UST: variants seen among roughly 807,000 people sequenced by gnomAD.
UST encodes the protein uronyl 2-sulfotransferase.
Under a neutral mutation model 45.6 loss-of-function variants are expected in UST, and 21 were observed. That is an observed-to-expected ratio of 0.46 (90% CI 0.33 to 0.66). The LOEUF is 0.66. Among genes scored for constraint, UST ranks in the 30% least tolerant of loss-of-function variants. UST has a pLI of 0.02. For synonymous variants in UST, 215 were observed against 200.6 expected (o/e 1.07, Z -0.61); for missense variants, 463 against 512.4 (o/e 0.90, Z 0.93).
intron 7 of UST, among the ~76,000 whole-genome samples, chr6:149,046,917 T>G (rs1162354753): frequency 1.3e-5 from 2 of 152,240 alleles, no homozygotes; most frequent in African/African-American, 4.8e-5. Flanking sequence ...GCTTTTCTGG[T>G]GGCAGTAGAA....
rs1031359354 is a variant in UST, at chr6:149,072,734, T to C, written c.938-1099T>C. On this transcript the variant is annotated intron_variant, in intron 7 of 7. Transcript: ENST00000367463. The stretch of plus-strand genomic sequence containing the variant: ...TGAAAACATGCTTAGTGAAATAAGC[T>C]AGACAAAAAAAGGACAAATATTGTA... Among the ~76,000 whole-genome samples, 5 of 151,486 alleles carry C rather than the reference T, an allele frequency of 3.3e-5. No homozygotes were observed. The East Asian group carries it at 9.7e-4, about 29-fold the overall frequency.
rs561547305 is a variant in UST, at chr6:148,801,153, AG to A, written c.247+53478del. On this transcript the variant is annotated intron_variant, in intron 1 of 7. Transcript: ENST00000367463. ...AGAACATTTGGGTTTTGAGAACATG[AG>A]GATCTAGTTTTGCTGTGTATTGTGT... Among the ~76,000 whole-genome samples, 330 of 152,268 alleles carry A rather than the reference AG, an allele frequency of 2.2e-3. 2 individuals are homozygous for A. Among genetic ancestry groups the A allele is most frequent in the Non-Finnish European group, 3.6e-3 (245 of 68,026 alleles).
At chr6:148,935,928 A>G (rs576961049) in intron 2 of UST, among the ~76,000 whole-genome samples, 2 of 152,288 alleles carry the variant, frequency 1.3e-5, no homozygotes, top group Admixed American at 6.5e-5. Flanking sequence ...ATGGCTGATG[A>G]TACTGGTTGT....
At chr6:148,988,463 A>G (rs1188190020) in intron 5 of UST, among the ~76,000 whole-genome samples, 2 of 150,974 alleles carry the variant, frequency 1.3e-5, no homozygotes, top group East Asian at 2.0e-4. Flanking sequence ...AGTCCCAGCT[A>G]CTCAGGAGGC....
intron 5 of UST, among the ~76,000 whole-genome samples, chr6:149,011,482 G>A (rs1165537514): frequency 3.3e-5 from 5 of 152,168 alleles, no homozygotes; most frequent in Non-Finnish European, 7.3e-5. Flanking sequence ...TGGATTGTTT[G>A]TAATACAAAG....
At chr6:148,979,287 G>A (rs1288178554) in intron 5 of UST, among the ~76,000 whole-genome samples, 1 of 152,164 alleles carries the variant, frequency 6.6e-6, no homozygotes, top group African/African-American at 2.4e-5. Flanking sequence ...AATAAATGCA[G>A]ACTAGAACCA....
At chr6:148,935,315 CAT>C (rs1160327288) in intron 2 of UST, among the ~76,000 whole-genome samples, 1 of 152,186 alleles carries the variant, frequency 6.6e-6, no homozygotes, top group African/African-American at 2.4e-5. Context: ...AAATCACAGA[CAT>C]AACATTCATA....
intron 5 of UST, among the ~76,000 whole-genome samples, chr6:148,972,708 T>C (rs994667797): frequency 3.3e-5 from 5 of 152,256 alleles, no homozygotes; most frequent in African/African-American, 1.2e-4. Flanking sequence ...GCTGCAGCTG[T>C]GTCCCGCCGC....
chr6:149,072,592 G>A (rs1300147405), intron 7 of UST, among the ~76,000 whole-genome samples: 2 of 151,402 alleles, frequency 1.3e-5, no homozygotes, highest in African/African-American at 4.9e-5. Flanking sequence ...GGTAGAGGTT[G>A]TAGTGAGCCA....
At chr6:148,849,995 T>C (rs1346044148) in intron 1 of UST, among the ~76,000 whole-genome samples, 2 of 152,222 alleles carry the variant, frequency 1.3e-5, no homozygotes, top group Non-Finnish European at 2.9e-5. Context: ...TACTGTTCTA[T>C]GTGGTATATG....
At chr6:149,009,112 G>C (rs1035014131) in intron 5 of UST, among the ~76,000 whole-genome samples, 2 of 152,214 alleles carry the variant, frequency 1.3e-5, no homozygotes, top group Non-Finnish European at 2.9e-5. Context: ...TCCTCAGAGA[G>C]ATTGGAGAAA....
chr6:148,750,823 G>C (rs772180927), intron 1 of UST, among the ~76,000 whole-genome samples: 1 of 152,188 alleles, frequency 6.6e-6, no homozygotes, highest in Non-Finnish European at 1.5e-5. Flanking sequence ...TAGGGAACTA[G>C]ACCCTCCCTG....
intron 2 of UST, among the ~76,000 whole-genome samples, chr6:148,888,478 G>A (rs1288590222): frequency 6.6e-6 from 1 of 152,180 alleles, no homozygotes; most frequent in African/African-American, 2.4e-5. Flanking sequence ...CAACACTGAC[G>A]CTGCCACTTT....
intron 1 of UST, among the ~76,000 whole-genome samples, chr6:148,819,136 G>A (rs1413066384): frequency 6.6e-6 from 1 of 152,234 alleles, no homozygotes; most frequent in African/African-American, 2.4e-5. Flanking sequence ...AGGTAGGGCA[G>A]ATTTGCAGAA....
At chr6:148,824,850 C>T (rs1375643190) in intron 1 of UST, among the ~76,000 whole-genome samples, 1 of 120,076 alleles carries the variant, frequency 8.3e-6, no homozygotes, top group Non-Finnish European at 1.7e-5. Flanking sequence ...CCACCACAGT[C>T]CCCAGAGTGT....
In UST at chr6:149,074,058, C is replaced by T. The variant is rs771501304; in HGVS notation, c.1163C>T (p.Pro388Leu). 2.5e-6 allele frequency: 4 copies of T among 1,614,146 alleles called. No individual in the cohort carries two copies. The East Asian group carries it at 8.9e-5, about 36-fold the overall frequency. ...FIPTPLETEE[P>L]IDDEEQDDEK... ...CCAACTCCACTGGAAACCGAGGAGC[C>T]AATCGACGATGAAGAACAGGATGAT... Residue 388 changes from proline to leucine, a missense_variant, in exon 8 of 8, where the codon CCA becomes CTA. Pro to Leu is a moderately conservative substitution (Grantham distance 98). Coordinates refer to ENST00000367463, the MANE Select transcript of UST (RefSeq NM_005715.3).
intron 7 of UST, among the ~76,000 whole-genome samples, chr6:149,059,910 C>T (rs1164440652): frequency 6.6e-6 from 1 of 152,122 alleles, no homozygotes; most frequent in Non-Finnish European, 1.5e-5. Flanking sequence ...TGCATTCCTC[C>T]TCCGGGCTGA....
chr6:149,012,126 C>A (rs935125871), intron 5 of UST, among the ~76,000 whole-genome samples: 2 of 152,184 alleles, frequency 1.3e-5, no homozygotes, highest in African/African-American at 2.4e-5. Flanking sequence ...GCTGATGCTT[C>A]CTGGATGGCT....
At chr6:148,978,786 C>T (rs1004465419) in intron 5 of UST, among the ~76,000 whole-genome samples, 1 of 152,062 alleles carries the variant, frequency 6.6e-6, no homozygotes, top group African/African-American at 2.4e-5. Context: ...ACGTGTATAC[C>T]TGTGTAACAA....
Sources: allele counts gnomAD v4.1 joint callset (sites outside exome capture counted in the v4.1 genomes callset), GRCh38; gene constraint gnomAD v4.1.1; transcripts MANE v1.5; gene names NCBI Gene and HGNC (gene_info 2026-07-23, HGNC 2026-07-21).